HNRNPD: variants seen among roughly 807,000 people sequenced by gnomAD.
The protein encoded by HNRNPD is heterogeneous nuclear ribonucleoprotein D0.
HNRNPD carries 3 observed loss-of-function variants against 47.9 expected under a neutral mutation model. That is an observed-to-expected ratio of 0.06 (90% confidence interval 0.03 to 0.16). The LOEUF is 0.16. Among genes scored for constraint, HNRNPD ranks in the 10% least tolerant of loss-of-function variants. The probability of loss-of-function intolerance (pLI) is 1.00; values close to 1 mark genes in which losing one functional copy is unlikely to be tolerated. For synonymous variants in HNRNPD, 171 were observed against 165.1 expected, an observed-to-expected ratio of 1.04 and a Z score of -0.28; for missense variants, 287 against 454.2, an observed-to-expected ratio of 0.63 and a Z score of 3.35.
intron 2 of HNRNPD, among the ~76,000 whole-genome samples, chr4:82,366,901 A>C (rs1264862877): frequency 1.3e-5 from 2 of 151,938 alleles, no homozygotes; most frequent in Non-Finnish European, 2.9e-5. Flanking sequence ...TCACTATCAA[A>C]ATGCAGTGGC....
chr4:82,358,993 TTAAATC>T (rs1161696636), intron 3 of HNRNPD, among the ~76,000 whole-genome samples, 173 bp from the exon 4 acceptor site: 1 of 152,174 alleles, frequency 6.6e-6, no homozygotes, highest in Non-Finnish European at 1.5e-5. Flanking sequence ...CATATACTGT[TTAAATC>T]TAAAGGTAAG....
chr4:82,371,740 C>T (rs1037539657), intron 1 of HNRNPD, among the ~76,000 whole-genome samples, 156 bp from the exon 2 acceptor site: 3 of 152,156 alleles, frequency 2.0e-5, no homozygotes, highest in African/African-American at 4.8e-5. Flanking sequence ...TAACAGAAAG[C>T]CTGCCCCAAA....
At chr4:82,367,598 G>A (rs1719830254) in intron 2 of HNRNPD, among the ~76,000 whole-genome samples, 1 of 152,072 alleles carries the variant, frequency 6.6e-6, no homozygotes, top group African/African-American at 2.4e-5. Context: ...CAGACTTCCT[G>A]GCTGTGTGGG....
At position 82,353,362 on chromosome 4, in the gene HNRNPD, C is replaced by A. The variant is rs1279082032; in HGVS notation, c.*823G>T. On this transcript the variant is annotated 3_prime_UTR_variant, in exon 9 of 9. Coordinates refer to ENST00000313899, the MANE Select transcript of HNRNPD (RefSeq NM_031370.3). ...ATATATTTCTTTAATCCTCCCTCAACACTTGAATTCATCTATGAAGTCCAC... is the reference window on the plus strand; with the variant it reads ...ATATATTTCTTTAATCCTCCCTCAAAACTTGAATTCATCTATGAAGTCCAC... The A allele has an allele frequency of 6.6e-6, 1 of 152,004 alleles. No homozygotes were observed. Among genetic ancestry groups the A allele is most frequent in the African/African-American group, 2.4e-5 (1 of 41,452 alleles). The allele number at this position is 152,004 out of a possible 1,614,324, so 9.4% of individuals were successfully genotyped here.
In HNRNPD at chr4:82,357,364, T is replaced by C; in HGVS notation, c.702A>G (p.Glu234=). ...TCTTTTCCATTATCTTCTTCACTGG[T>C]TCTTCTTCCTTAAAGGTAATAAAGC... ...GFCFITFKEE[E]PVKKIMEKKY... Residue 234 remains glutamate, a synonymous_variant, in exon 5 of 9, where the codon GAA becomes GAG. Transcript: ENST00000313899. The C allele has an allele frequency of 6.2e-7, 1 of 1,613,660 alleles. No homozygotes were observed. Among genetic ancestry groups the C allele is most frequent in the Non-Finnish European group, 8.5e-7 (1 of 1,179,778 alleles).
intron 1 of HNRNPD, 43 bp from the exon 2 acceptor site, chr4:82,371,627 G>C: frequency 6.4e-7 from 1 of 1,552,426 alleles, no homozygotes; most frequent in Non-Finnish European, 8.9e-7. Flanking sequence ...CAAAATTCTA[G>C]TTTTAGTTTT....
intron 2 of HNRNPD, among the ~76,000 whole-genome samples, chr4:82,362,756 G>A (rs140569676): frequency 1.6e-3 from 250 of 151,954 alleles, no homozygotes; most frequent in African/African-American, 5.4e-3. Context: ...GCACCACCAC[G>A]CCTGACTTGA....
intron 2 of HNRNPD, among the ~76,000 whole-genome samples, chr4:82,364,817 T>C (rs538717847): frequency 2.6e-5 from 4 of 152,352 alleles, no homozygotes; most frequent in African/African-American, 9.6e-5. Flanking sequence ...GGAGCAATCC[T>C]GGCTGGTGGA....
intron 1 of HNRNPD, among the ~76,000 whole-genome samples, chr4:82,372,665 T>G (rs1451088471): frequency 6.6e-6 from 1 of 152,134 alleles, no homozygotes; most frequent in South Asian, 2.1e-4. Context: ...GAAGGGTAGA[T>G]GCTAGGCCGG....
intron 1 of HNRNPD, among the ~76,000 whole-genome samples, chr4:82,372,622 G>A (rs1481932022): frequency 1.6e-4 from 24 of 152,176 alleles, no homozygotes; most frequent in Admixed American, 1.2e-3. Flanking sequence ...GCGCGAAAAG[G>A]GTGCGCGGTT....
At chr4:82,366,456 T>C (rs1226722244) in intron 2 of HNRNPD, among the ~76,000 whole-genome samples, 5 of 152,004 alleles carry the variant, frequency 3.3e-5, no homozygotes, top group African/African-American at 9.7e-5. Context: ...GTTGGCCAGG[T>C]TGGTCTCGAA....
rs1451347865 is a variant in HNRNPD, at chr4:82,352,617, C to T, written c.*1568G>A. On this transcript the variant is annotated 3_prime_UTR_variant, in exon 9 of 9. Transcript: ENST00000313899. ...TTCATTTATTTTGACCATGAGTCAGCAAACTTTTCTGTAAAGGGCCAGACT... is the reference window on the plus strand; with the variant it reads ...TTCATTTATTTTGACCATGAGTCAGTAAACTTTTCTGTAAAGGGCCAGACT... 6.6e-6 allele frequency: 1 copy of T among 152,152 alleles called. No homozygotes were observed. The highest frequency in any genetic ancestry group is 1.9e-4 in the East Asian group (1 of 5,198). The allele number at this position is 152,152 out of a possible 1,614,324, so 9.4% of individuals were successfully genotyped here.
At chr4:82,355,243 C>T (rs1723666686) in intron 8 of HNRNPD, 61 bp downstream of exon 8, 2 of 898,000 alleles carry the variant, frequency 2.2e-6, no homozygotes, top group South Asian at 1.4e-5. Flanking sequence ...GTTTTATGAA[C>T]AATATAGATT....
chr4:82,368,317 C>G (rs1224755770), intron 2 of HNRNPD, among the ~76,000 whole-genome samples: 1 of 151,954 alleles, frequency 6.6e-6, no homozygotes, highest in African/African-American at 2.4e-5. Context: ...GCAGCCTTAC[C>G]CTAATATTAT....
rs1230801215 is a variant in HNRNPD at position 82,353,400 on chromosome 4, A to G, written c.*785T>C. ...CTATGAAGTCCACCACAGCTCTAAA[A>G]ATCTCTCTGAACTAGCCGCATTTCT... On this transcript the variant is annotated 3_prime_UTR_variant, in exon 9 of 9. Transcript: ENST00000313899. 6.6e-6 allele frequency: 1 copy of G among 152,208 alleles called. No homozygotes were observed. The highest frequency in any genetic ancestry group is 1.5e-5 in the Non-Finnish European group (1 of 68,006). 9.4% of individuals were successfully genotyped at this position (152,208 alleles called of 1,614,324 possible). A position where few individuals can be genotyped will look rare whatever the true frequency, so the allele number is the denominator to read the frequency against.
rs891908084 is a variant in HNRNPD, at chr4:82,352,934, C to T, written c.*1251G>A. On this transcript the variant is annotated 3_prime_UTR_variant, in exon 9 of 9. Transcript: ENST00000313899. ...ACTACTATAGAACTGTATAATAATA[C>T]ATTTCTCATTTGTTACCTTTCTAAT... The T allele has an allele frequency of 9.2e-5, 14 of 152,186 alleles. No individual in the cohort carries two copies. Among genetic ancestry groups the T allele is most frequent in the Non-Finnish European group, 2.9e-5 (2 of 68,022 alleles). 9.4% of individuals were successfully genotyped at this position (152,186 alleles called of 1,614,324 possible). A position where few individuals can be genotyped will look rare whatever the true frequency, so the allele number is the denominator to read the frequency against.
chr4:82,359,089 C>T (rs948400730), intron 3 of HNRNPD, among the ~76,000 whole-genome samples: 20 of 152,206 alleles, frequency 1.3e-4, no homozygotes, highest in Admixed American at 7.2e-4. Context: ...TGCTACTTCC[C>T]TTTAGCACTA....
chr4:82,371,518 A>C lies in HNRNPD; in HGVS notation c.290+10T>G, dbSNP rs780323274. ...CTTTATAATACAGAAATAAAATTTA[A>C]AAGTTTTACCATTCTTCCCGCTGTG... On this transcript the variant is annotated intron_variant, in intron 2 of 8. Coordinates refer to ENST00000313899, the MANE Select transcript of HNRNPD (RefSeq NM_031370.3). 1 of 1,605,846 alleles carries C rather than the reference A, an allele frequency of 6.2e-7. No homozygotes were observed. Among genetic ancestry groups the C allele is most frequent in the African/African-American group, 1.3e-5 (1 of 74,512 alleles).
chr4:82,373,982 A>C lies in HNRNPD; in HGVS notation c.-304T>G. 8.3e-6 allele frequency: 5 copies of C among 602,206 alleles called. No homozygotes were observed. Among genetic ancestry groups the C allele is most frequent in the Non-Finnish European group, 1.4e-5 (5 of 369,014 alleles). The allele number at this position is 602,206 out of a possible 1,614,324, so 37.3% of individuals were successfully genotyped here. A position where few individuals can be genotyped will look rare whatever the true frequency, so the allele number is the denominator to read the frequency against. On this transcript the variant is annotated 5_prime_UTR_variant, in exon 1 of 9. In the 5' UTR this introduces an upstream ATG that the reference lacks. Transcript: ENST00000313899. ...AATGGCGCCGCCGCGGACCACCTAAAATGGCCGACGGAAGAACGGCGCGTC... is the reference window on the plus strand; with the variant it reads ...AATGGCGCCGCCGCGGACCACCTAACATGGCCGACGGAAGAACGGCGCGTC...
Sources: gnomAD v4.1 joint callset for allele counts (sites outside exome capture counted in the v4.1 genomes callset) on GRCh38, gnomAD v4.1.1 for gene constraint, MANE v1.5 for transcripts, NCBI Gene and HGNC (gene_info 2026-07-23, HGNC 2026-07-21) for gene names.